CWC27: variants seen among roughly 807,000 people sequenced by gnomAD.
CWC27 encodes CWC27 spliceosome associated cyclophilin, also known as spliceosome-associated protein CWC27 homolog.
CWC27 carries 47 observed loss-of-function variants against 63.6 expected under a neutral mutation model. The observed-to-expected ratio is 0.74, with a 90% CI of 0.58 to 0.94. The LOEUF (loss-of-function observed/expected upper bound fraction) is 0.94, where lower values mean the gene tolerates loss of function less well. Ranked by LOEUF, CWC27 falls within the 40% of genes least tolerant of loss-of-function variation. CWC27 has a pLI of 0.00. For missense variants in CWC27, 495 were observed against 554.3 expected (o/e 0.89, Z 1.07); for synonymous variants, 175 against 179.8 (o/e 0.97, Z 0.22).
Position 64,879,889 on chromosome 5 carries a change from C to T in CWC27, c.939-5554C>T, listed in dbSNP as rs138516858. ...TGGCATTTATACTTTACCCCAGATC[C>T]TTTTCTCAGCTCTATCTTTCATTAC... On this transcript the variant is annotated intron_variant, in intron 10 of 13. Coordinates refer to ENST00000381070, the MANE Select transcript of CWC27 (RefSeq NM_005869.4). 5.4e-4 allele frequency among the ~76,000 whole-genome samples: 82 copies of T among 151,970 alleles called. No individual in the cohort carries two copies. The Middle Eastern group carries it at 0.014, about 25-fold the overall frequency.
At chr5:64,971,365 A>G (rs1354161582) in intron 11 of CWC27, among the ~76,000 whole-genome samples, 1 of 152,246 alleles carries the variant, frequency 6.6e-6, no homozygotes, top group Non-Finnish European at 1.5e-5. Flanking sequence ...GAAAAAATGT[A>G]AAATGGTATT....
intron 10 of CWC27, among the ~76,000 whole-genome samples, chr5:64,809,101 T>C (rs1744788613): frequency 6.6e-6 from 1 of 152,170 alleles, no homozygotes; most frequent in Admixed American, 6.6e-5. Flanking sequence ...TTCTAGTTAC[T>C]TCCCCCTCAT....
At chr5:64,965,095 A>C (rs1015165883) in intron 11 of CWC27, among the ~76,000 whole-genome samples, 2 of 152,180 alleles carry the variant, frequency 1.3e-5, no homozygotes, top group African/African-American at 4.8e-5. Context: ...GTCTCAAAAA[A>C]TAAATAAATA....
At chr5:64,769,308 C>G in intron 1 of CWC27, 120 bp downstream of exon 1, 1 of 826,716 alleles carries the variant, frequency 1.2e-6, no homozygotes, top group East Asian at 2.5e-5. Context: ...GAAGTGTTGT[C>G]TTTACTCCTG....
Position 64,800,343 on chromosome 5 carries a change from G to T in CWC27, c.749+16G>T, listed in dbSNP as rs6449760. 0.34 allele frequency: 532,486 copies of T among 1,560,004 alleles called. 93,992 individuals carry two copies. Among genetic ancestry groups the T allele is most frequent in the East Asian group, 0.5 (22,010 of 43,982 alleles). ...TTGTAGAAAGGTTAGTCCATTGTTG[G>T]TATGATCCTAAGTTCTTAATTTTCT... On this transcript the variant is annotated intron_variant, in intron 8 of 13. Coordinates refer to ENST00000381070, the MANE Select transcript of CWC27 (RefSeq NM_005869.4).
intron 10 of CWC27, among the ~76,000 whole-genome samples, chr5:64,825,711 T>C (rs774915414): frequency 6.6e-5 from 10 of 152,188 alleles, no homozygotes; most frequent in Non-Finnish European, 1.3e-4. Context: ...CTCACCAATT[T>C]TGATATGTTG....
In CWC27 at chr5:64,783,770, A is replaced by G. The variant is rs141577743; in HGVS notation, c.253-66A>G. 447 of 1,354,588 alleles carry G rather than the reference A, an allele frequency of 3.3e-4. 1 individual carries two copies. The East Asian group carries it at 0.012, about 35-fold the overall frequency. The allele number at this position is 1,354,588 out of a possible 1,614,324, so 83.9% of individuals were successfully genotyped here. On this transcript the variant is annotated intron_variant, in intron 3 of 13. Transcript: ENST00000381070. The stretch of plus-strand genomic sequence containing the variant: ...AAGTTGTATGGGACCTTGCAGGTCA[A>G]GTTGAATAACTGCATATGAAGGGTC...
At chr5:64,962,312 G>A (rs981231027) in intron 11 of CWC27, among the ~76,000 whole-genome samples, 1 of 152,000 alleles carries the variant, frequency 6.6e-6, no homozygotes, top group South Asian at 2.1e-4. Context: ...GAGAAAAGAA[G>A]GTAAGAAAGA....
chr5:64,843,274 C>A (rs1745892452), intron 10 of CWC27, among the ~76,000 whole-genome samples: 1 of 152,082 alleles, frequency 6.6e-6, no homozygotes, highest in Non-Finnish European at 1.5e-5. Flanking sequence ...TCTGAAAAGC[C>A]CACTACCATA....
At chr5:64,882,747 C>A (rs2112339576) in intron 10 of CWC27, among the ~76,000 whole-genome samples, 1 of 152,244 alleles carries the variant, frequency 6.6e-6, no homozygotes, top group East Asian at 1.9e-4. Flanking sequence ...GTGCCCGCCA[C>A]CCCGCCTGGC....
At chr5:65,009,003 A>T (rs184946835) in intron 13 of CWC27, among the ~76,000 whole-genome samples, 781 of 74,742 alleles carry the variant, frequency 0.01, 5 homozygotes, top group African/African-American at 0.045. Context: ...TAATTTATTT[A>T]AAAAAAAAAT....
chr5:64,933,869 T>C (rs538997843), intron 11 of CWC27, among the ~76,000 whole-genome samples: 6 of 152,310 alleles, frequency 3.9e-5, no homozygotes, highest in Non-Finnish European at 7.4e-5. Flanking sequence ...CCTATGTGTA[T>C]ATTTCCTAAA....
intron 13 of CWC27, among the ~76,000 whole-genome samples, chr5:64,981,306 A>G (rs897988851): frequency 6.6e-6 from 1 of 152,228 alleles, no homozygotes; most frequent in East Asian, 1.9e-4. Flanking sequence ...ATGCACATAC[A>G]TATTTTAAAC....
chr5:64,948,813 C>T (rs1244055050), intron 11 of CWC27, among the ~76,000 whole-genome samples: 3 of 151,972 alleles, frequency 2.0e-5, no homozygotes, highest in East Asian at 3.9e-4. Context: ...AGAGACTCTT[C>T]CTCATTGAGG....
At chr5:64,983,550 G>A (rs1158174891) in intron 13 of CWC27, among the ~76,000 whole-genome samples, 1 of 152,206 alleles carries the variant, frequency 6.6e-6, no homozygotes, top group South Asian at 2.1e-4. Flanking sequence ...TTTAATCACA[G>A]ATTATGACCC....
intron 10 of CWC27, among the ~76,000 whole-genome samples, chr5:64,827,353 C>A (rs374992013): frequency 8.5e-5 from 13 of 152,100 alleles, no homozygotes; most frequent in African/African-American, 2.4e-4. Flanking sequence ...ATGTCATAAG[C>A]TTTTATACCA....
At chr5:64,820,367 T>G (rs1021875197) in intron 10 of CWC27, among the ~76,000 whole-genome samples, 1 of 151,932 alleles carries the variant, frequency 6.6e-6, no homozygotes, top group Non-Finnish European at 1.5e-5. Flanking sequence ...CTTTATCTGC[T>G]TCACATCACT....
At chr5:64,890,122 T>C (rs1747192986) in intron 11 of CWC27, among the ~76,000 whole-genome samples, 1 of 152,170 alleles carries the variant, frequency 6.6e-6, no homozygotes, top group African/African-American at 2.4e-5. Context: ...AGGTCCTCTT[T>C]CAAAGTTCTA....
At chr5:64,857,377 G>C (rs1746280848) in intron 10 of CWC27, among the ~76,000 whole-genome samples, 1 of 152,174 alleles carries the variant, frequency 6.6e-6, no homozygotes, top group African/African-American at 2.4e-5. Flanking sequence ...GCATAAAAAA[G>C]TGGACTCCTG....
Sources: gnomAD v4.1 joint callset for allele counts (sites outside exome capture counted in the v4.1 genomes callset) on GRCh38, gnomAD v4.1.1 for gene constraint, MANE v1.5 for transcripts, NCBI Gene and HGNC (gene_info 2026-07-23, HGNC 2026-07-21) for gene names.